The following IGF1R variants were observed in gnomAD, a reference collection of about 807,000 sequenced individuals.
IGF1R encodes insulin-like growth factor 1 receptor.
In IGF1R, 44 loss-of-function variants were observed where a neutral mutation model predicts 144.6. The ratio of observed to expected loss-of-function variants is 0.30; its 90% CI spans 0.24 to 0.39. IGF1R has a LOEUF of 0.39. Ranked by LOEUF, IGF1R falls within the 10% of genes least tolerant of loss-of-function variation. IGF1R has a pLI of 1.00. For missense variants in IGF1R, 1,355 were observed against 1,833.7 expected, an observed-to-expected ratio of 0.74 and a Z score of 4.77; for synonymous variants, 795 against 722.8, an observed-to-expected ratio of 1.10 and a Z score of -1.60.
At chr15:98,687,660 C>T (rs1027306776) in intron 1 of IGF1R, among the ~76,000 whole-genome samples, 1 of 152,070 alleles carries the variant, frequency 6.6e-6, no homozygotes, top group East Asian at 1.9e-4. Context: ...CAGCCCCCAG[C>T]GAGATGCTGT....
intron 10 of IGF1R, among the ~76,000 whole-genome samples, chr15:98,918,043 A>G (rs1374799921): frequency 6.6e-6 from 1 of 152,242 alleles, no homozygotes; most frequent in Non-Finnish European, 1.5e-5. Context: ...AACACAATAA[A>G]AAATGTTAAA....
At position 98,899,480 on chromosome 15, in the gene IGF1R, A is replaced by G. The variant is rs1567185393; in HGVS notation, c.1106A>G (p.Asn369Ser). The part of the protein sequence containing the change: ...NLLINIRRGN[N>S]IASELENFMG... ...ACACAATCCCCTTTCAATGTAGATA[A>G]CATTGCTTCAGAGCTGGAGAACTTC... The change falls in exon 5 of 21, where the codon AAC becomes AGC. Residue 369 changes from asparagine (N) to serine (S), a missense_variant. Transcript: ENST00000650285. 6.2e-7 allele frequency: 1 copy of G among 1,614,114 alleles called. No individual in the cohort carries two copies. The highest frequency in any genetic ancestry group is 1.7e-5 in the Admixed American group (1 of 60,020).
At chr15:98,720,780 A>C (rs923650052) in intron 2 of IGF1R, among the ~76,000 whole-genome samples, 1 of 152,246 alleles carries the variant, frequency 6.6e-6, no homozygotes, top group African/African-American at 2.4e-5. Context: ...TCATAAGTGC[A>C]TATGAGAAAT....
chr15:98,795,280 C>T (rs989613614), intron 2 of IGF1R, among the ~76,000 whole-genome samples: 2 of 152,082 alleles, frequency 1.3e-5, no homozygotes, highest in Non-Finnish European at 2.9e-5. Context: ...TTGACTTTGC[C>T]GTCTAGACTT....
chr15:98,680,012 A>G (rs958983319), intron 1 of IGF1R, among the ~76,000 whole-genome samples: 2 of 152,144 alleles, frequency 1.3e-5, no homozygotes, highest in Non-Finnish European at 2.9e-5. Flanking sequence ...AATATATACA[A>G]GAACCAAAAT....
intron 10 of IGF1R, among the ~76,000 whole-genome samples, chr15:98,919,080 A>T (rs2015376011): frequency 6.6e-6 from 1 of 152,216 alleles, no homozygotes; most frequent in Admixed American, 6.5e-5. Flanking sequence ...AGAAAGTTTG[A>T]GGACTAGAAA....
chr15:98,890,766 T>G (rs1047120798), intron 2 of IGF1R: 3 of 162,644 alleles, frequency 1.8e-5, no homozygotes, highest in Non-Finnish European at 4.1e-5. Flanking sequence ...GTAAAACCTT[T>G]GATATCTAAG....
intron 2 of IGF1R, among the ~76,000 whole-genome samples, chr15:98,776,351 A>C (rs1303633704): frequency 6.6e-6 from 1 of 151,706 alleles, no homozygotes; most frequent in Non-Finnish European, 1.5e-5. Flanking sequence ...TGCCGGGCTA[A>C]TTTTTTGTAT....
chr15:98,755,220 C>A (rs1288316409), intron 2 of IGF1R, among the ~76,000 whole-genome samples: 2 of 151,708 alleles, frequency 1.3e-5, no homozygotes, highest in Non-Finnish European at 2.9e-5. Flanking sequence ...TTTACTTTTT[C>A]TCGGTGTATG....
At chr15:98,897,248 C>T in intron 4 of IGF1R, 1 of 263,682 alleles carries the variant, frequency 3.8e-6, no homozygotes, top group Non-Finnish European at 7.3e-6. Flanking sequence ...CAGACTCCAG[C>T]TGTAGCCAAA....
intron 2 of IGF1R, among the ~76,000 whole-genome samples, chr15:98,756,498 A>T (rs1416637171): frequency 6.6e-6 from 1 of 152,084 alleles, no homozygotes; most frequent in African/African-American, 2.4e-5. Flanking sequence ...TGGTAATCAT[A>T]ACCCTTTCTC....
intron 2 of IGF1R, among the ~76,000 whole-genome samples, chr15:98,743,544 C>G (rs7176092): frequency 0.015 from 2,350 of 152,198 alleles, 65 homozygotes; most frequent in African/African-American, 0.051. Context: ...AGACATGATG[C>G]CATGAGACCA....
chr15:98,744,462 G>A (rs2054817565), intron 2 of IGF1R, among the ~76,000 whole-genome samples: 1 of 152,138 alleles, frequency 6.6e-6, no homozygotes, highest in South Asian at 2.1e-4. Context: ...ACTGTGGGGA[G>A]GGGAGGAACT....
At chr15:98,862,592 A>G (rs2012217686) in intron 2 of IGF1R, among the ~76,000 whole-genome samples, 1 of 152,204 alleles carries the variant, frequency 6.6e-6, no homozygotes, top group African/African-American at 2.4e-5. Flanking sequence ...GCTATCAGTG[A>G]CTTTATCTTG....
At chr15:98,732,996 C>T (rs1394430586) in intron 2 of IGF1R, among the ~76,000 whole-genome samples, 2 of 152,136 alleles carry the variant, frequency 1.3e-5, no homozygotes, top group African/African-American at 2.4e-5. Flanking sequence ...GCACCCCTCA[C>T]GCGAGCCCAT....
intron 1 of IGF1R, among the ~76,000 whole-genome samples, chr15:98,654,937 C>G (rs2052450416): frequency 6.6e-6 from 1 of 152,134 alleles, no homozygotes; most frequent in South Asian, 2.1e-4. Flanking sequence ...GGAGGTTTTC[C>G]AGTTATTTGT....
At chr15:98,723,366 A>G (rs892027726) in intron 2 of IGF1R, among the ~76,000 whole-genome samples, 2 of 152,224 alleles carry the variant, frequency 1.3e-5, no homozygotes, top group Non-Finnish European at 2.9e-5. Flanking sequence ...GCCTGGAGAA[A>G]TATTAAATCT....
intron 7 of IGF1R, among the ~76,000 whole-genome samples, chr15:98,912,179 C>T (rs759924355): frequency 6.6e-6 from 1 of 152,206 alleles, no homozygotes; most frequent in Non-Finnish European, 1.5e-5. Context: ...ATGTTAATCC[C>T]ATAGTTCTCT....
chr15:98,793,211 G>C (rs1265834021), intron 2 of IGF1R, among the ~76,000 whole-genome samples: 1 of 152,214 alleles, frequency 6.6e-6, no homozygotes, highest in African/African-American at 2.4e-5. Context: ...AACAGATCCA[G>C]TTGTTGTCAG....
Sources: gnomAD v4.1 joint callset for allele counts (sites outside exome capture counted in the v4.1 genomes callset) on GRCh38, gnomAD v4.1.1 for gene constraint, MANE v1.5 for transcripts, NCBI Gene and HGNC (gene_info 2026-07-23, HGNC 2026-07-21) for gene names.